Variants in TFDP2 observed in about 807,000 individuals in gnomAD.
TFDP2 encodes transcription factor Dp-2.
In TFDP2, 17 loss-of-function variants were observed where a neutral mutation model predicts 59.3. The observed-to-expected ratio is 0.29, with a 90% CI of 0.20 to 0.43. The LOEUF is 0.43. Ranked by LOEUF, TFDP2 falls within the 20% of genes least tolerant of loss-of-function variation. The pLI, the probability that TFDP2 is intolerant of heterozygous loss-of-function variation, is 1.00. For missense variants in TFDP2, 391 were observed against 528.8 expected, an observed-to-expected ratio of 0.74 and a Z score of 2.56; for synonymous variants, 180 against 194.7, an observed-to-expected ratio of 0.92 and a Z score of 0.63.
At chr3:142,052,385 A>T (rs1056002369) in intron 3 of TFDP2, among the ~76,000 whole-genome samples, 25 of 150,044 alleles carry the variant, frequency 1.7e-4, no homozygotes, top group Non-Finnish European at 3.6e-4. Context: ...AAAAAAAAAA[A>T]TACAAAAAAA....
rs2059810985 is a variant in TFDP2 at position 142,058,392 on chromosome 3, T to G, written c.82+34669A>C. Among the ~76,000 whole-genome samples the G allele has an allele frequency of 2.0e-5, 3 of 151,664 alleles. No individual in the cohort carries two copies. The South Asian group carries it at 6.3e-4, about 32-fold the overall frequency. ...AGACACCAATTAGGTGTCTAACAATTCAATACAATTTTGATAGTAACTACC... is the reference window on the plus strand; with the variant it reads ...AGACACCAATTAGGTGTCTAACAATGCAATACAATTTTGATAGTAACTACC... On this transcript the variant is annotated intron_variant, in intron 3 of 12. Transcript: ENST00000489671.
At position 141,946,224 on chromosome 3, in the gene TFDP2, G is replaced by A. The variant is rs1935230196; in HGVS notation, c.*6289C>T. 1 of 152,240 alleles carries A rather than the reference G, an allele frequency of 6.6e-6. No individual in the cohort carries two copies. The highest frequency in any genetic ancestry group is 2.4e-5 in the African/African-American group (1 of 41,460). The allele number at this position is 152,240 out of a possible 1,614,324, so 9.4% of individuals were successfully genotyped here. A position where few individuals can be genotyped will look rare whatever the true frequency, so the allele number is the denominator to read the frequency against. ...TCTTGCTTGTTTCCCATCTCTAAAT[G>A]AGCAGGGTGGGAGCGATGTTATCCC... On this transcript the variant is annotated 3_prime_UTR_variant, in exon 13 of 13. Transcript: ENST00000489671.
At chr3:141,953,626 T>C (rs1936189866) in intron 11 of TFDP2, among the ~76,000 whole-genome samples, 2 of 152,086 alleles carry the variant, frequency 1.3e-5, no homozygotes, top group Admixed American at 6.6e-5. Context: ...CTAGCTCTTA[T>C]TTTATTTTTT....
rs963205154 is a variant in TFDP2 at position 141,945,663 on chromosome 3, G to T, written c.*6850C>A. The T allele has an allele frequency of 3.9e-5, 6 of 152,258 alleles. No homozygotes were observed. The highest frequency in any genetic ancestry group is 8.8e-5 in the Non-Finnish European group (6 of 68,062). The allele number at this position is 152,258 out of a possible 1,614,324, so 9.4% of individuals were successfully genotyped here. On this transcript the variant is annotated 3_prime_UTR_variant, in exon 13 of 13. Coordinates refer to ENST00000489671, the MANE Select transcript of TFDP2 (RefSeq NM_001178139.2). The stretch of plus-strand genomic sequence containing the variant: ...TATTCAGGAGAAAAGTAGCCCCATT[G>T]TCAGTGACGTTTTAGTATGAAAATC...
At chr3:141,955,545 C>CG (rs1936508114) in intron 11 of TFDP2, among the ~76,000 whole-genome samples, 1 of 152,098 alleles carries the variant, frequency 6.6e-6, no homozygotes, top group African/African-American at 2.4e-5. Context: ...CAAGGAGAGG[C>CG]GGGGGGCCCT....
intron 1 of TFDP2, among the ~76,000 whole-genome samples, chr3:142,135,889 G>C (rs887508044): frequency 6.6e-6 from 1 of 152,040 alleles, no homozygotes; most frequent in Non-Finnish European, 1.5e-5. Context: ...CTTTATAGTA[G>C]CATGATTTAT....
intron 3 of TFDP2, among the ~76,000 whole-genome samples, chr3:142,045,905 G>A (rs938427898): frequency 2.0e-5 from 3 of 152,014 alleles, no homozygotes; most frequent in Non-Finnish European, 4.4e-5. Flanking sequence ...TTACAGGCGT[G>A]AGCCACTGTG....
In TFDP2 at chr3:141,968,602, A is replaced by AAC. The variant is rs1450315019; in HGVS notation, c.732+1469_732+1470dup. The stretch of plus-strand genomic sequence containing the variant: ...ATATATCTCATATATAGATATATAT[A>AAC]ACATATATATCTCATATATAGATAT... On this transcript the variant is annotated intron_variant, in intron 9 of 12. Transcript: ENST00000489671. Among the ~76,000 whole-genome samples, 215 of 97,852 alleles carry AAC rather than the reference A, an allele frequency of 2.2e-3. 18 individuals carry two copies. The highest frequency in any genetic ancestry group is 8.8e-3 in the African/African-American group (202 of 23,084). 64.2% of individuals were successfully genotyped at this position (97,852 alleles called of 152,430 possible). A position where few individuals can be genotyped will look rare whatever the true frequency, so the allele number is the denominator to read the frequency against.
intron 1 of TFDP2, among the ~76,000 whole-genome samples, chr3:142,118,862 T>C (rs2061937516): frequency 6.6e-6 from 1 of 152,120 alleles, no homozygotes; most frequent in Non-Finnish European, 1.5e-5. Flanking sequence ...ACAGAACTAA[T>C]ATTAAAAGTA....
At chr3:142,114,215 G>A (rs1477952964) in intron 1 of TFDP2, among the ~76,000 whole-genome samples, 1 of 151,706 alleles carries the variant, frequency 6.6e-6, no homozygotes, top group Non-Finnish European at 1.5e-5. Flanking sequence ...GGAAAATTGA[G>A]TCAGCTTAAG....
intron 1 of TFDP2, among the ~76,000 whole-genome samples, chr3:142,125,843 T>C (rs1318918470): frequency 6.6e-6 from 1 of 152,248 alleles, no homozygotes; most frequent in Non-Finnish European, 1.5e-5. Context: ...GCCTCTCATA[T>C]CATTTGTATT....
At chr3:142,103,797 TG>T (rs1411018591) in intron 1 of TFDP2, among the ~76,000 whole-genome samples, 1 of 152,058 alleles carries the variant, frequency 6.6e-6, no homozygotes, top group Non-Finnish European at 1.5e-5. Context: ...TCATAAATAA[TG>T]GGTGTTCAAA....
chr3:142,133,130 C>T (rs1054092943), intron 1 of TFDP2, among the ~76,000 whole-genome samples: 5 of 150,268 alleles, frequency 3.3e-5, no homozygotes, highest in South Asian at 4.1e-4. Context: ...CACTGTGGCA[C>T]AGGTGCATGA....
rs542284207 is a variant in TFDP2, at chr3:141,984,444, C to T, written c.357-5762G>A. On this transcript the variant is annotated intron_variant, in intron 6 of 12. Transcript: ENST00000489671. ...CCCAGGAGGCAGAGGTTTTAGTGAG[C>T]CGAGATCACGCCACCGTACACGCCT... Among the ~76,000 whole-genome samples the T allele has an allele frequency of 3.4e-4, 52 of 152,084 alleles. 1 individual carries two copies. Among genetic ancestry groups the T allele is most frequent in the Non-Finnish European group, 6.5e-4 (44 of 68,024 alleles).
intron 1 of TFDP2, among the ~76,000 whole-genome samples, chr3:142,122,005 C>T (rs568508540): frequency 7.2e-5 from 11 of 151,888 alleles, no homozygotes; most frequent in African/African-American, 2.4e-4. Context: ...CTCTGGTTAA[C>T]GAGAAAACAG....
intron 6 of TFDP2, among the ~76,000 whole-genome samples, chr3:141,991,120 TATTG>T (rs1478886957): frequency 6.6e-6 from 1 of 152,218 alleles, no homozygotes; most frequent in Admixed American, 6.5e-5. Context: ...TGTTACATTT[TATTG>T]ATTATTTCCT....
chr3:141,987,329 C>CTGCA (rs1170092470), intron 6 of TFDP2, among the ~76,000 whole-genome samples: 2 of 146,810 alleles, frequency 1.4e-5, no homozygotes, highest in Non-Finnish European at 3.0e-5. Context: ...GTCACCCAGG[C>CTGCA]TGCAGTACAG....
chr3:141,999,309 A>G (rs1402837813), intron 4 of TFDP2, among the ~76,000 whole-genome samples: 1 of 152,248 alleles, frequency 6.6e-6, no homozygotes, highest in Admixed American at 6.5e-5. Context: ...TACAATACAT[A>G]TTAACATATG....
intron 1 of TFDP2, among the ~76,000 whole-genome samples, chr3:142,114,119 C>T (rs1285872386): frequency 6.6e-6 from 1 of 151,444 alleles, no homozygotes; most frequent in Non-Finnish European, 1.5e-5. Context: ...GAGCCGAAAT[C>T]GCGCCACTGC....
Sources: allele counts gnomAD v4.1 joint callset (sites outside exome capture counted in the v4.1 genomes callset), GRCh38; gene constraint gnomAD v4.1.1; transcripts MANE v1.5; gene names NCBI Gene and HGNC (gene_info 2026-07-23, HGNC 2026-07-21).